The following SLC24A2 variants were observed in gnomAD, a reference collection of about 807,000 sequenced individuals.
SLC24A2 encodes sodium/potassium/calcium exchanger 2.
In SLC24A2, 36 loss-of-function variants were observed where a neutral mutation model predicts 62.0. That is an observed-to-expected ratio of 0.58 (90% CI 0.44 to 0.77). SLC24A2 has a LOEUF of 0.77. SLC24A2 is among the 30% of genes least tolerant of loss of function. The pLI, the probability that SLC24A2 is intolerant of heterozygous loss-of-function variation, is 0.00. For synonymous variants in SLC24A2, 358 were observed against 294.0 expected (o/e 1.22, Z -2.23); for missense variants, 846 against 817.9 (o/e 1.03, Z -0.42).
the SLC24A2 span, among the ~76,000 whole-genome samples, chr9:19,833,048 C>G: frequency 6.6e-6 from 1 of 152,206 alleles, no homozygotes; most frequent in African/African-American, 2.4e-5. Flanking sequence ...GAGATACCAT[C>G]TCACACCAGT....
chr9:20,131,738 G>A, the SLC24A2 span, among the ~76,000 whole-genome samples: 2 of 152,086 alleles, frequency 1.3e-5, no homozygotes, highest in South Asian at 2.1e-4. Flanking sequence ...AAAGACAAGG[G>A]TCCCTCTAAA....
At chr9:20,008,328 T>C in the SLC24A2 span, among the ~76,000 whole-genome samples, 1 of 152,158 alleles carries the variant, frequency 6.6e-6, no homozygotes, top group Non-Finnish European at 1.5e-5. Flanking sequence ...TCGCTGGCTG[T>C]CTACAGAGGT....
the SLC24A2 span, among the ~76,000 whole-genome samples, chr9:20,159,395 C>A: frequency 6.7e-6 from 1 of 148,982 alleles, no homozygotes; most frequent in Non-Finnish European, 1.5e-5. Context: ...ATTGTAACAT[C>A]TAAGATTTTT....
chr9:20,294,015 G>C, the SLC24A2 span, among the ~76,000 whole-genome samples: 1 of 152,046 alleles, frequency 6.6e-6, no homozygotes, highest in East Asian at 1.9e-4. Flanking sequence ...CCCTGACAAG[G>C]ACCCCCACTG....
At chr9:19,964,606 C>G in the SLC24A2 span, among the ~76,000 whole-genome samples, 1 of 152,136 alleles carries the variant, frequency 6.6e-6, no homozygotes, top group Non-Finnish European at 1.5e-5. Context: ...TGCCATATGT[C>G]CACTTGGTTG....
the SLC24A2 span, among the ~76,000 whole-genome samples, chr9:19,962,008 G>A: frequency 6.6e-6 from 1 of 152,184 alleles, no homozygotes; most frequent in Non-Finnish European, 1.5e-5. Flanking sequence ...AAGCTGCTAT[G>A]TTTGGGGATA....
intron 8 of SLC24A2, among the ~76,000 whole-genome samples, chr9:19,549,697 T>C (rs1232864933): frequency 2.6e-5 from 4 of 152,188 alleles, no homozygotes; most frequent in African/African-American, 9.7e-5. Context: ...CAGATGATGG[T>C]AGCCCCAAGA....
intron 2 of SLC24A2, among the ~76,000 whole-genome samples, chr9:19,662,308 T>C (rs1173373777): frequency 6.6e-6 from 1 of 152,198 alleles, no homozygotes; most frequent in African/African-American, 2.4e-5. Flanking sequence ...AACCAGAGTG[T>C]GTGTTAATAC....
At chr9:19,727,553 G>A (rs561299354) in intron 2 of SLC24A2, among the ~76,000 whole-genome samples, 9 of 152,168 alleles carry the variant, frequency 5.9e-5, no homozygotes, top group Admixed American at 2.6e-4. Flanking sequence ...CCCTGCAGGA[G>A]CTCAGACACT....
At chr9:20,281,604 T>C in the SLC24A2 span, among the ~76,000 whole-genome samples, 3 of 152,360 alleles carry the variant, frequency 2.0e-5, no homozygotes, top group Admixed American at 6.5e-5. Context: ...TGTCTTCTTT[T>C]GTGCCACATA....
the SLC24A2 span, among the ~76,000 whole-genome samples, chr9:20,205,593 G>A: frequency 7.2e-6 from 1 of 139,620 alleles, no homozygotes; most frequent in Non-Finnish European, 1.5e-5. Flanking sequence ...AGAGCTTGCA[G>A]TGAGCCAAGA....
chr9:19,675,522 G>A lies in SLC24A2; in HGVS notation c.931-53223C>T, dbSNP rs188863347. Among the ~76,000 whole-genome samples the A allele has an allele frequency of 1.5e-3, 233 of 152,182 alleles. 6 individuals carry two copies. Among genetic ancestry groups the A allele is most frequent in the Admixed American group, 0.015 (222 of 15,288 alleles). On this transcript the variant is annotated intron_variant, in intron 2 of 10. Coordinates refer to ENST00000341998, the MANE Select transcript of SLC24A2 (RefSeq NM_020344.4). ...CTGAGCTCAGACTCTTTTCGGGTGC[G>A]GCTTGCTGTGCTGTTGCAGAGGATG...
chr9:20,257,804 G>C, the SLC24A2 span, among the ~76,000 whole-genome samples: 7 of 152,072 alleles, frequency 4.6e-5, no homozygotes, highest in African/African-American at 1.7e-4. Flanking sequence ...ATAAATAATG[G>C]TTCCCATCCC....
the SLC24A2 span, among the ~76,000 whole-genome samples, chr9:20,202,940 C>A: frequency 6.6e-6 from 1 of 152,096 alleles, no homozygotes; most frequent in African/African-American, 2.4e-5. Flanking sequence ...GTGTTAAATA[C>A]TAAATTTTTA....
chr9:20,216,635 T>G, the SLC24A2 span, among the ~76,000 whole-genome samples: 1 of 152,194 alleles, frequency 6.6e-6, no homozygotes, highest in Non-Finnish European at 1.5e-5. Flanking sequence ...AGTGATGATA[T>G]CCAGTGTCTC....
the SLC24A2 span, among the ~76,000 whole-genome samples, chr9:20,300,927 C>A: frequency 2.6e-5 from 4 of 152,086 alleles, no homozygotes; most frequent in African/African-American, 7.2e-5. Context: ...TTGTCATCAT[C>A]GTGACACATT....
chr9:20,058,513 A>ACACG, the SLC24A2 span, among the ~76,000 whole-genome samples: 1 of 151,770 alleles, frequency 6.6e-6, no homozygotes, highest in Non-Finnish European at 1.5e-5. Flanking sequence ...ACACACACAC[A>ACACG]CACACACAAA....
chr9:20,011,140 G>A, the SLC24A2 span, among the ~76,000 whole-genome samples: 19 of 152,228 alleles, frequency 1.2e-4, no homozygotes, highest in African/African-American at 4.6e-4. Context: ...TGGGATGGCT[G>A]GGTGAAATGG....
At chr9:19,677,954 A>G (rs1819607529) in intron 2 of SLC24A2, among the ~76,000 whole-genome samples, 1 of 152,180 alleles carries the variant, frequency 6.6e-6, no homozygotes, top group Non-Finnish European at 1.5e-5. Flanking sequence ...CCAATGACAG[A>G]GCCAGGTTCC....
Sources: allele counts gnomAD v4.1 joint callset (sites outside exome capture counted in the v4.1 genomes callset), GRCh38; gene constraint gnomAD v4.1.1; transcripts MANE v1.5; gene names NCBI Gene and HGNC (gene_info 2026-07-23, HGNC 2026-07-21).